Variants in PREP observed in about 807,000 individuals in gnomAD.
PREP encodes dJ355L5.1 (prolyl endopeptidase).
In PREP, 29 loss-of-function variants were observed where a neutral mutation model predicts 87.6. That is an observed-to-expected ratio of 0.33 (90% confidence interval 0.25 to 0.45). PREP has a LOEUF of 0.45. Ranked by LOEUF, PREP falls within the 20% of genes least tolerant of loss-of-function variation. PREP has a pLI of 1.00. For synonymous variants in PREP, 337 were observed against 328.6 expected, an observed-to-expected ratio of 1.03 and a Z score of -0.28; for missense variants, 695 against 886.5, an observed-to-expected ratio of 0.78 and a Z score of 2.74.
chr6:105,377,830 C>T (rs1296851894), intron 2 of PREP, among the ~76,000 whole-genome samples: 1 of 152,306 alleles, frequency 6.6e-6, no homozygotes, highest in East Asian at 1.9e-4. Flanking sequence ...GCCAACTTTA[C>T]AGATTGGGAA....
rs1770243301 is a variant in PREP, at chr6:105,288,914, AAT to A, written c.1318-22_1318-21del. 6.2e-7 allele frequency: 1 copy of A among 1,603,700 alleles called. No homozygotes were observed. Among genetic ancestry groups the A allele is most frequent in the Non-Finnish European group, 8.5e-7 (1 of 1,171,456 alleles). On this transcript the variant is annotated intron_variant, in intron 10 of 14. Coordinates refer to ENST00000652536, the MANE Select transcript of PREP (RefSeq NM_002726.5). ...GAAAATCTAGAATATAAGAAAGCAGAATATAAGATTTAGCATTACTTAGTAGA... is the reference window on the plus strand; with the variant it reads ...GAAAATCTAGAATATAAGAAAGCAGAATAAGATTTAGCATTACTTAGTAGA...
chr6:105,275,275 G>T lies in PREP; in HGVS notation c.*2869C>A, dbSNP rs925214031. Among the ~76,000 whole-genome samples the T allele has an allele frequency of 1.3e-5, 2 of 152,128 alleles. No homozygotes were observed. Among genetic ancestry groups the T allele is most frequent in the African/African-American group, 4.8e-5 (2 of 41,380 alleles). On this transcript the variant is annotated 3_prime_UTR_variant, in exon 15 of 15. Coordinates refer to ENST00000652536, the MANE Select transcript of PREP (RefSeq NM_002726.5). ...ACAAACCTTGAGAGACTGGTGACAG[G>T]CTTCCTTAGTTGAAACTTATCCTTT... is the stretch of plus-strand genomic sequence containing the variant.
In PREP at chr6:105,277,950, G is replaced by T; in HGVS notation, c.*194C>A. 1.3e-6 allele frequency: 1 copy of T among 797,358 alleles called. No individual in the cohort carries two copies. Among genetic ancestry groups the T allele is most frequent in the Non-Finnish European group, 2.0e-6 (1 of 507,958 alleles). 49.4% of individuals were successfully genotyped at this position (797,358 alleles called of 1,614,324 possible). ...CATGTGCCTAGACAGGGTGGAAAAA[G>T]AAACACCAAGGCCTTGCTAAAAAGG... On this transcript the variant is annotated 3_prime_UTR_variant, in exon 15 of 15. Coordinates refer to ENST00000652536, the MANE Select transcript of PREP (RefSeq NM_002726.5).
chr6:105,381,984 T>C (rs1450453912), intron 2 of PREP, among the ~76,000 whole-genome samples: 1 of 152,182 alleles, frequency 6.6e-6, no homozygotes, highest in Non-Finnish European at 1.5e-5. Flanking sequence ...AGAAAATTTT[T>C]TTCAAAGTGC....
At chr6:105,316,151 T>C (rs1452572252) in intron 10 of PREP, among the ~76,000 whole-genome samples, 2 of 152,244 alleles carry the variant, frequency 1.3e-5, no homozygotes, top group Non-Finnish European at 2.9e-5. Flanking sequence ...TTGACATACC[T>C]TCCTCACTAA....
At chr6:105,303,112 CATGTATGTATGTATGTATGT>C (rs141833268) in intron 10 of PREP, among the ~76,000 whole-genome samples, 11 of 150,776 alleles carry the variant, frequency 7.3e-5, no homozygotes, top group South Asian at 4.2e-4. Context: ...AAATGAAGTC[CATGTATGTATGTATGTATGT>C]ATGTATGTAT....
intron 10 of PREP, among the ~76,000 whole-genome samples, chr6:105,321,792 GA>G (rs1263654570): frequency 6.6e-6 from 1 of 151,934 alleles, no homozygotes; most frequent in Non-Finnish European, 1.5e-5. Flanking sequence ...GTGGGAAGTG[GA>G]AAAAAGGGGA....
intron 9 of PREP, among the ~76,000 whole-genome samples, chr6:105,324,378 G>A (rs186031671): frequency 9.3e-4 from 142 of 152,290 alleles, no homozygotes; most frequent in Admixed American, 1.7e-3. Context: ...AATTGTGCAC[G>A]ACACAAAATG....
intron 10 of PREP, among the ~76,000 whole-genome samples, chr6:105,296,380 CAACA>C (rs1297043341): frequency 1.3e-5 from 2 of 151,542 alleles, no homozygotes; most frequent in Non-Finnish European, 1.5e-5. Flanking sequence ...CCCAGTACAC[CAACA>C]GTTTTTTTTT....
At chr6:105,302,052 G>A (rs1770547909) in intron 10 of PREP, among the ~76,000 whole-genome samples, 1 of 152,222 alleles carries the variant, frequency 6.6e-6, no homozygotes, top group South Asian at 2.1e-4. Context: ...GGGCTAGGAT[G>A]AATAAATCTG....
At chr6:105,309,838 T>A (rs1352257400) in intron 10 of PREP, among the ~76,000 whole-genome samples, 1 of 152,190 alleles carries the variant, frequency 6.6e-6, no homozygotes. Context: ...TGTTTCTGAG[T>A]GATTCTCTCC....
chr6:105,388,603 T>A (rs868425310), intron 2 of PREP, among the ~76,000 whole-genome samples: 50 of 152,176 alleles, frequency 3.3e-4, no homozygotes, highest in African/African-American at 1.2e-3. Context: ...GTTCCCTAAA[T>A]ACATATTTCA....
Position 105,278,190 on chromosome 6 carries a change from A to G in PREP, c.2087T>C (p.Met696Thr), listed in dbSNP as rs760071289. 6.8e-6 allele frequency: 11 copies of G among 1,614,002 alleles called. No homozygotes were observed. Among genetic ancestry groups the G allele is most frequent in the East Asian group, 2.2e-5 (1 of 44,882 alleles). ...TAKVIEEVSD[M>T]FAFIARCLNV... ...CAGGCACCGCGCGATGAACGCAAAC[A>G]TGTCTGAGACTTCCTCTATCACTTT... Residue 696 changes from methionine (M) to threonine (T), a missense_variant, in exon 15 of 15, where the codon ATG (methionine) becomes ACG (threonine). Physicochemically the swap from Met to Thr is moderately conservative, Grantham distance 81. Around this residue, in one of 5 missense-constraint regions of PREP, gnomAD observed 121 missense variants for 154.8 expected, o/e 0.78. Transcript: ENST00000652536. The surrounding 1 kb of genome is among the most constrained non-coding windows in gnomAD (Gnocchi z 4.2).
chr6:105,402,297 T>C (rs1040506332), intron 1 of PREP, among the ~76,000 whole-genome samples: 1 of 152,172 alleles, frequency 6.6e-6, no homozygotes, highest in African/African-American at 2.4e-5. Context: ...CCAGTGCGCC[T>C]CATCCGACCT....
In PREP at chr6:105,323,717, A is replaced by G. The variant is rs778983124; in HGVS notation, c.1265T>C (p.Phe422Ser). The part of the protein sequence containing the change: ...LTKEELEPRV[F>S]REVTVKGIDA... ...AATTCCTTTTACGGTCACCTCTCGG[A>G]AAACTCTTGGCTCCAGCTCCTCTTT... Residue 422 changes from phenylalanine (F) to serine (S), a missense_variant, in exon 10 of 15, where the codon TTC becomes TCC. Coordinates refer to ENST00000652536, the MANE Select transcript of PREP (RefSeq NM_002726.5). 1 of 1,613,858 alleles carries G rather than the reference A, an allele frequency of 6.2e-7. No individual in the cohort carries two copies. The highest frequency in any genetic ancestry group is 8.5e-7 in the Non-Finnish European group (1 of 1,179,698).
intron 10 of PREP, among the ~76,000 whole-genome samples, chr6:105,296,615 C>T (rs1175281394): frequency 1.3e-5 from 2 of 152,112 alleles, no homozygotes; most frequent in African/African-American, 4.8e-5. Flanking sequence ...CTATTATACA[C>T]CATTTATTGG....
rs573925864 is a variant in PREP, at chr6:105,373,383, T to C, written c.581A>G (p.Asp194Gly). ...GMFYNSYPQQ[D>G]GKSDGTETST... ...TCTTCACTCACCATCACTTTTTCCATCCTGTTGAGGGTATGAGTTGTAGAA... is the reference window on the plus strand; with the variant it reads ...TCTTCACTCACCATCACTTTTTCCACCCTGTTGAGGGTATGAGTTGTAGAA... Residue 194 changes from aspartate to glycine, a missense_variant, in exon 5 of 15, where the codon GAT becomes GGT. Asp to Gly is a moderately conservative substitution (Grantham distance 94). Transcript: ENST00000652536. 28 of 1,614,140 alleles carry C rather than the reference T, an allele frequency of 1.7e-5. No homozygotes were observed. In the South Asian group the frequency reaches 3.0e-4, roughly 17 times the overall value.
rs3736903 is a variant in PREP at position 105,368,687 on chromosome 6, T to C, written c.717+216A>G. Among the ~76,000 whole-genome samples, 511 of 152,358 alleles carry C rather than the reference T, an allele frequency of 3.4e-3. 23 individuals are homozygous for C. The East Asian group carries it at 0.086, about 26-fold the overall frequency. On this transcript the variant is annotated intron_variant, in intron 6 of 14. Coordinates refer to ENST00000652536, the MANE Select transcript of PREP (RefSeq NM_002726.5). ...TAAAATTACTTTTTTACCCTCAAAG[T>C]ATTACTTTTAATATTAAGAGTAATA...
chr6:105,338,619 G>C (rs984711257), intron 7 of PREP, among the ~76,000 whole-genome samples: 5 of 152,178 alleles, frequency 3.3e-5, no homozygotes, highest in African/African-American at 1.2e-4. Flanking sequence ...GCAAGGGGTC[G>C]GGTAATTCCC....
Sources: gnomAD v4.1 joint callset for allele counts (sites outside exome capture counted in the v4.1 genomes callset) on GRCh38, gnomAD v4.1.1 for gene constraint, gnomAD v4.1.1 regional missense constraint, Gnocchi (gnomAD v3.1) non-coding constraint, MANE v1.5 for transcripts, NCBI Gene and HGNC (gene_info 2026-07-23, HGNC 2026-07-21) for gene names.